The following GRAMD1B variants were observed in gnomAD, a reference collection of about 807,000 sequenced individuals.
The protein encoded by GRAMD1B is protein Aster-B.
GRAMD1B carries 37 observed loss-of-function variants against 99.7 expected under a neutral mutation model. That is an observed-to-expected ratio of 0.37 (90% CI 0.29 to 0.49). GRAMD1B has a LOEUF of 0.49. GRAMD1B is among the 20% of genes least tolerant of loss of function. The pLI, the probability that GRAMD1B is intolerant of heterozygous loss-of-function variation, is 0.98. For missense variants in GRAMD1B, 888 were observed against 1,009.2 expected (o/e 0.88, Z 1.63); for synonymous variants, 427 against 387.6 (o/e 1.10, Z -1.19).
chr11:123,526,784 A>G (rs1942815053), intron 2 of GRAMD1B, among the ~76,000 whole-genome samples: 1 of 152,198 alleles, frequency 6.6e-6, no homozygotes, highest in South Asian at 2.1e-4. Context: ...TAATCTTGGG[A>G]CATTAAAGGC....
intron 1 of GRAMD1B, among the ~76,000 whole-genome samples, chr11:123,393,959 C>T (rs933550095): frequency 6.6e-6 from 1 of 152,202 alleles, no homozygotes. Context: ...CTTTCCACTG[C>T]AAATCCCTTA....
intron 2 of GRAMD1B, among the ~76,000 whole-genome samples, chr11:123,511,072 A>ACTCTCTCTCTCT (rs35053436): frequency 3.4e-5 from 5 of 146,074 alleles, no homozygotes; most frequent in African/African-American, 1.3e-4. Context: ...CCTCTTTTTC[A>ACTCTCTCTCTCT]CTCTCTCTCT....
intron 1 of GRAMD1B, among the ~76,000 whole-genome samples, chr11:123,379,898 G>A (rs1946815935): frequency 6.6e-6 from 1 of 152,176 alleles, no homozygotes; most frequent in Non-Finnish European, 1.5e-5. Context: ...GCCATGAAGT[G>A]CTATCTATTG....
intron 1 of GRAMD1B, among the ~76,000 whole-genome samples, chr11:123,477,529 A>G (rs1378648202): frequency 6.7e-6 from 1 of 150,276 alleles, no homozygotes; most frequent in Non-Finnish European, 1.5e-5. Flanking sequence ...TCCAAATCCT[A>G]GTTTAGAGTT....
intron 2 of GRAMD1B, among the ~76,000 whole-genome samples, chr11:123,528,071 T>A (rs1942981125): frequency 6.6e-6 from 1 of 152,202 alleles, no homozygotes; most frequent in South Asian, 2.1e-4. Flanking sequence ...TCTCATTAAG[T>A]ACAGGTCCAT....
chr11:123,606,478 G>A, intron 10 of GRAMD1B, 131 bp from the exon 11 acceptor site: 1 of 764,072 alleles, frequency 1.3e-6, no homozygotes, highest in Non-Finnish European at 2.1e-6. Context: ...TTTGGAGCCT[G>A]ACTCTGACTT....
chr11:123,594,275 G>T, intron 5 of GRAMD1B, 109 bp downstream of exon 5: 2 of 761,880 alleles, frequency 2.6e-6, no homozygotes, highest in East Asian at 2.5e-5. Context: ...GTAAGCAAGG[G>T]AACAGGGAGA....
At chr11:123,619,070 C>T (rs1279395467) in intron 18 of GRAMD1B, 37 bp from the exon 19 acceptor site, 1 of 1,168,748 alleles carries the variant, frequency 8.6e-7, no homozygotes, top group South Asian at 1.3e-5. Flanking sequence ...CTGAGCATAA[C>T]TCCAGCTGCT....
At chr11:123,499,187 G>C (rs1769654720) in intron 2 of GRAMD1B, among the ~76,000 whole-genome samples, 1 of 152,116 alleles carries the variant, frequency 6.6e-6, no homozygotes. Flanking sequence ...CATCAGGGTG[G>C]AGCCCCCATG....
chr11:123,577,398 G>C lies in GRAMD1B; in HGVS notation c.484G>C (p.Ala162Pro). Residue 162 changes from alanine (A) to proline (P), a missense_variant, in exon 3 of 20, where the codon GCC becomes CCC. Around this residue, in one of 5 missense-constraint regions of GRAMD1B, gnomAD observed 233 missense variants for 154.6 expected, o/e 1.51. Transcript: ENST00000635736. ...CAGTAACTCCAACCGCAGCACGCCG[G>C]CCTGCTCGCCCATCCTCCGGAAGCG... Reference protein sequence around the residue: ...TASNSNRSTPACSPILRKRSR... With the variant: ...TASNSNRSTPPCSPILRKRSR... 6.3e-7 allele frequency: 1 copy of C among 1,594,442 alleles called. No individual in the cohort carries two copies. Among genetic ancestry groups the C allele is most frequent in the Non-Finnish European group, 8.5e-7 (1 of 1,171,034 alleles).
At chr11:123,517,646 C>T (rs80201591) in intron 2 of GRAMD1B, among the ~76,000 whole-genome samples, 18,106 of 152,026 alleles carry the variant, frequency 0.12, 1,657 homozygotes, top group African/African-American at 0.25. Flanking sequence ...TACACACCAC[C>T]GGGGGTGGTG....
chr11:123,462,637 A>G (rs1443477981), intron 1 of GRAMD1B, among the ~76,000 whole-genome samples: 2 of 152,190 alleles, frequency 1.3e-5, no homozygotes, highest in African/African-American at 4.8e-5. Context: ...ATTCAGGGAC[A>G]AAAAACCTTA....
intron 1 of GRAMD1B, among the ~76,000 whole-genome samples, chr11:123,399,511 AT>A (rs1485315713): frequency 6.6e-6 from 1 of 152,168 alleles, no homozygotes; most frequent in Non-Finnish European, 1.5e-5. Flanking sequence ...AACCTCCATA[AT>A]GTTTTCTATA....
rs1191802391 is a variant in GRAMD1B, at chr11:123,490,160, A to G, written c.452+9267A>G. ...GAGAAAATGCAAACTTGGAATTTGG[A>G]TGGGTGTCTTAAAGGAAGAGGACAT... On this transcript the variant is annotated intron_variant, in intron 2 of 19. Coordinates refer to ENST00000635736, the MANE Select transcript of GRAMD1B (RefSeq NM_001387025.1). Among the ~76,000 whole-genome samples the G allele has an allele frequency of 2.6e-5, 4 of 152,344 alleles. No homozygotes were observed. In the East Asian group the frequency reaches 7.7e-4, roughly 29 times the overall value.
chr11:123,577,701 A>G (rs779286677), intron 3 of GRAMD1B, 124 bp downstream of exon 3: 2 of 714,988 alleles, frequency 2.8e-6, no homozygotes, highest in South Asian at 3.4e-5. Context: ...TGGCTCAGAG[A>G]CAGTCATTAT....
Position 123,431,075 on chromosome 11 carries a change from TGCTCCACACCCA to T in GRAMD1B, c.286_297del (p.Ser96_Ser99del), listed in dbSNP as rs1948860292. 1.4e-6 allele frequency: 1 copy of T among 702,870 alleles called. No individual in the cohort carries two copies. Among genetic ancestry groups the T allele is most frequent in the African/African-American group, 1.7e-5 (1 of 57,268 alleles). 43.5% of individuals were successfully genotyped at this position (702,870 alleles called of 1,614,324 possible). ...CGACGAGGACACCCCGTGGTCCAAC[TGCTCCACACCCA>T]GCGCGTCCCCGCGCCGAAAACGCTT... On this transcript the variant is annotated inframe_deletion, in exon 1 of 20. Transcript: ENST00000635736.
At chr11:123,613,895 T>C (rs1468039736) in intron 16 of GRAMD1B, among the ~76,000 whole-genome samples, 1 of 152,222 alleles carries the variant, frequency 6.6e-6, no homozygotes, top group Admixed American at 6.5e-5. Flanking sequence ...CCTTAGTGTT[T>C]ATGCTTTCGT....
chr11:123,381,751 T>C (rs1246669998), intron 1 of GRAMD1B, among the ~76,000 whole-genome samples: 2 of 152,184 alleles, frequency 1.3e-5, no homozygotes, highest in Non-Finnish European at 1.5e-5. Context: ...TGCTATTTTT[T>C]TAAATGATAA....
At chr11:123,597,967 A>G (rs1951492128) in intron 7 of GRAMD1B, 2 of 1,197,130 alleles carry the variant, frequency 1.7e-6, no homozygotes, top group Non-Finnish European at 2.5e-6. Context: ...GTTTTTTCAG[A>G]TCCTCATATG....
Sources: gnomAD v4.1 joint callset for allele counts (sites outside exome capture counted in the v4.1 genomes callset) on GRCh38, gnomAD v4.1.1 for gene constraint, gnomAD v4.1.1 regional missense constraint, MANE v1.5 for transcripts, NCBI Gene and HGNC (gene_info 2026-07-23, HGNC 2026-07-21) for gene names.